RPTOR: variants seen among roughly 807,000 people sequenced by gnomAD.
The protein encoded by RPTOR is regulatory-associated protein of mTOR.
Under a neutral mutation model 169.9 loss-of-function variants are expected in RPTOR, and 21 were observed. That is an observed-to-expected ratio of 0.12 (90% CI 0.09 to 0.18). The LOEUF (loss-of-function observed/expected upper bound fraction) is 0.18, where lower values mean the gene tolerates loss of function less well. RPTOR is among the 10% of genes least tolerant of loss of function. RPTOR has a pLI of 1.00. For missense variants in RPTOR, 1,133 were observed against 1,855.9 expected, an observed-to-expected ratio of 0.61 and a Z score of 7.16; for synonymous variants, 732 against 753.2, an observed-to-expected ratio of 0.97 and a Z score of 0.46.
Position 80,545,473 on chromosome 17 carries a change from C to G in RPTOR, c.-157C>G, listed in dbSNP as rs1375737999. ...CAGAGTTAGAGATAAGGATCTCAGA[C>G]TTTTGCCTGAGTAAGGGTCTCCGCA... On this transcript the variant is annotated 5_prime_UTR_variant, in exon 1 of 34. Coordinates refer to ENST00000306801, the MANE Select transcript of RPTOR (RefSeq NM_020761.3). 1 of 565,454 alleles carries G rather than the reference C, an allele frequency of 1.8e-6. No individual in the cohort carries two copies. Among genetic ancestry groups the G allele is most frequent in the Non-Finnish European group, 3.1e-6 (1 of 323,702 alleles). 35.0% of individuals were successfully genotyped at this position (565,454 alleles called of 1,614,324 possible). A position where few individuals can be genotyped will look rare whatever the true frequency, so the allele number is the denominator to read the frequency against.
chr17:80,617,978 T>C (rs1258405438), intron 1 of RPTOR, among the ~76,000 whole-genome samples: 1 of 151,932 alleles, frequency 6.6e-6, no homozygotes, highest in Non-Finnish European at 1.5e-5. Flanking sequence ...TTGCTTAAAA[T>C]AGTTACAACT....
chr17:80,823,806 A>G lies in RPTOR; in HGVS notation c.1136+583A>G, dbSNP rs2067409847. Among the ~76,000 whole-genome samples the G allele has an allele frequency of 6.6e-6, 1 of 152,184 alleles. No individual in the cohort carries two copies. The highest frequency in any genetic ancestry group is 1.5e-5 in the Non-Finnish European group (1 of 68,036). On this transcript the variant is annotated intron_variant, in intron 9 of 33. Transcript: ENST00000306801. The surrounding 1 kb of genome is among the most constrained non-coding windows in gnomAD (Gnocchi z 4.5). ...AATGTGATTTGTTTTTAGTCTAGAC[A>G]TTATATTTGAAGACGTTTGGTTTCT...
chr17:80,687,895 C>T (rs35151535), intron 3 of RPTOR, among the ~76,000 whole-genome samples: 26,684 of 152,088 alleles, frequency 0.18, 3,740 homozygotes, highest in African/African-American at 0.39. Flanking sequence ...CATTGTCCAT[C>T]GCCGCTGGCA....
chr17:80,564,668 T>C (rs987616968), intron 1 of RPTOR, among the ~76,000 whole-genome samples: 2 of 152,000 alleles, frequency 1.3e-5, no homozygotes, highest in African/African-American at 4.8e-5. Context: ...TCACAGAGGT[T>C]TGTGTACAGA....
At chr17:80,629,502 C>A (rs1599615843) in intron 2 of RPTOR, among the ~76,000 whole-genome samples, 1 of 151,464 alleles carries the variant, frequency 6.6e-6, no homozygotes, top group African/African-American at 2.4e-5. Flanking sequence ...TGTACCACAA[C>A]TCTTCTGTGT....
At chr17:80,792,642 C>CA (rs1366466240) in intron 7 of RPTOR, among the ~76,000 whole-genome samples, 25 of 152,144 alleles carry the variant, frequency 1.6e-4, no homozygotes. Context: ...AAAGGCTAAA[C>CA]AGATAGTGGA....
At position 80,873,592 on chromosome 17, in the gene RPTOR, G is replaced by A. The variant is rs112823016; in HGVS notation, c.1510-6823G>A. 6.3e-3 allele frequency among the ~76,000 whole-genome samples: 957 copies of A among 152,290 alleles called. 11 individuals are homozygous for A. The highest frequency in any genetic ancestry group is 0.022 in the African/African-American group (903 of 41,552). On this transcript the variant is annotated intron_variant, in intron 13 of 33. Coordinates refer to ENST00000306801, the MANE Select transcript of RPTOR (RefSeq NM_020761.3). Reference sequence around the variant, plus strand: ...GAAGCCTTTGCAGAGGCTGTTGCCCGGGGACAGGGCCCCAGGCGGAGAGGA... The same window carrying A: ...GAAGCCTTTGCAGAGGCTGTTGCCCAGGGACAGGGCCCCAGGCGGAGAGGA...
intron 6 of RPTOR, among the ~76,000 whole-genome samples, chr17:80,765,793 C>T (rs74001013): frequency 0.036 from 5,490 of 152,156 alleles, 312 homozygotes; most frequent in African/African-American, 0.12. Flanking sequence ...TAGTCTGTCA[C>T]GTCTAAATAG....
At position 80,888,544 on chromosome 17, in the gene RPTOR, G is replaced by A. The variant is rs181699164; in HGVS notation, c.1984-3176G>A. On this transcript the variant is annotated intron_variant, in intron 17 of 33. Transcript: ENST00000306801. ...CAGGTGGGCAAGGGGTAGAGGCGAG[G>A]TGGGCCAGTAGCCCATGGTCAGTGC... Among the ~76,000 whole-genome samples, 457 of 152,326 alleles carry A rather than the reference G, an allele frequency of 3.0e-3. 2 individuals are homozygous for A. The highest frequency in any genetic ancestry group is 4.6e-3 in the Admixed American group (70 of 15,310).
chr17:80,783,872 A>C (rs529090495), intron 6 of RPTOR, among the ~76,000 whole-genome samples: 3 of 152,370 alleles, frequency 2.0e-5, no homozygotes, highest in African/African-American at 7.2e-5. Flanking sequence ...CCGGCCTAGA[A>C]GCTCCTAAAT....
chr17:80,860,525 T>A lies in RPTOR; in HGVS notation c.1509+2625T>A, dbSNP rs886724288. 1.3e-5 allele frequency among the ~76,000 whole-genome samples: 2 copies of A among 151,740 alleles called. No homozygotes were observed. Among genetic ancestry groups the A allele is most frequent in the African/African-American group, 4.8e-5 (2 of 41,270 alleles). On this transcript the variant is annotated intron_variant, in intron 13 of 33. Transcript: ENST00000306801. This position sits in a 1 kb window ranked among gnomAD's most constrained non-coding sequence, Gnocchi z 5.8. ...CCTGCACCCAGCCCTGACCATAGCC[T>A]CCCCACACCCCAAGTCCTCACGTAC...
Position 80,574,922 on chromosome 17 carries a change from C to T in RPTOR, c.162+29131C>T, listed in dbSNP as rs1228502750. Among the ~76,000 whole-genome samples, 3 of 149,180 alleles carry T rather than the reference C, an allele frequency of 2.0e-5. No individual in the cohort carries two copies. The East Asian group carries it at 5.9e-4, about 29-fold the overall frequency. On this transcript the variant is annotated intron_variant, in intron 1 of 33. Coordinates refer to ENST00000306801, the MANE Select transcript of RPTOR (RefSeq NM_020761.3). Reference sequence around the variant, plus strand: ...TCGAGTGATCCTCCTGCCCTGGCCTCCCAAAGTGCTGGGATTACGGATGTG... The same window carrying T: ...TCGAGTGATCCTCCTGCCCTGGCCTTCCAAAGTGCTGGGATTACGGATGTG...
chr17:80,630,025 A>G (rs531767980), intron 2 of RPTOR, among the ~76,000 whole-genome samples: 1 of 151,738 alleles, frequency 6.6e-6, no homozygotes, highest in East Asian at 1.9e-4. Context: ...TTTTATTTCT[A>G]GCATTTCCAT....
chr17:80,717,177 C>A (rs539407099), intron 4 of RPTOR, among the ~76,000 whole-genome samples: 29 of 152,108 alleles, frequency 1.9e-4, no homozygotes, highest in Non-Finnish European at 3.1e-4. Context: ...CATCTGATCA[C>A]CAGATGTGGC....
chr17:80,694,860 G>C (rs1018371072), intron 3 of RPTOR, among the ~76,000 whole-genome samples: 4 of 152,190 alleles, frequency 2.6e-5, no homozygotes, highest in African/African-American at 4.8e-5. Flanking sequence ...CCTTCTCGAG[G>C]GGAAGGGGTT....
At chr17:80,603,819 T>A (rs1437092470) in intron 1 of RPTOR, among the ~76,000 whole-genome samples, 1 of 152,182 alleles carries the variant, frequency 6.6e-6, no homozygotes, top group Non-Finnish European at 1.5e-5. Context: ...CCCAGGGTTT[T>A]TACTGGAGGC....
intron 2 of RPTOR, among the ~76,000 whole-genome samples, chr17:80,627,227 C>A (rs746306733): frequency 1.8e-4 from 27 of 152,212 alleles, no homozygotes; most frequent in Non-Finnish European, 3.4e-4. Context: ...ACCATTTTGG[C>A]CAGGCTGGTC....
rs371176269 is a variant in RPTOR at position 80,923,690 on chromosome 17, G to T, written c.2808+17G>T. On this transcript the variant is annotated intron_variant, in intron 23 of 33. Transcript: ENST00000306801. ...CCAGAGCAGGTACGGGAGCCCGGCTGCCTGGTGATCTGGACACTGAGAGCG... is the reference window on the plus strand; with the variant it reads ...CCAGAGCAGGTACGGGAGCCCGGCTTCCTGGTGATCTGGACACTGAGAGCG... The T allele has an allele frequency of 6.4e-6, 10 of 1,565,054 alleles. No individual in the cohort carries two copies. The highest frequency in any genetic ancestry group is 2.7e-5 in the African/African-American group (2 of 73,788).
intron 7 of RPTOR, among the ~76,000 whole-genome samples, chr17:80,812,258 C>G (rs1248039189): frequency 6.6e-6 from 1 of 152,162 alleles, no homozygotes; most frequent in Non-Finnish European, 1.5e-5. Flanking sequence ...CCTGGCGGCT[C>G]CATTATCCAA....
Sources: allele counts gnomAD v4.1 joint callset (sites outside exome capture counted in the v4.1 genomes callset), GRCh38; gene constraint gnomAD v4.1.1; non-coding constraint Gnocchi (gnomAD v3.1); transcripts MANE v1.5; gene names NCBI Gene and HGNC (gene_info 2026-07-23, HGNC 2026-07-21).